The following AXL variants were observed in gnomAD, a reference collection of about 807,000 sequenced individuals.
The protein encoded by AXL is AXL receptor tyrosine kinase.
AXL carries 52 observed loss-of-function variants against 104.5 expected under a neutral mutation model. The observed-to-expected ratio is 0.50, with a 90% CI of 0.40 to 0.63. AXL has a LOEUF of 0.63. Among genes scored for constraint, AXL ranks in the 20% least tolerant of loss-of-function variants. AXL has a pLI of 0.00. For synonymous variants in AXL, 455 were observed against 473.7 expected (o/e 0.96, Z 0.51); for missense variants, 1,024 against 1,188.5 (o/e 0.86, Z 2.04).
intron 17 of AXL, among the ~76,000 whole-genome samples, 198 bp downstream of exon 17, chr19:41,253,906 AT>A (rs1452008650): frequency 1.3e-5 from 2 of 151,954 alleles, no homozygotes; most frequent in African/African-American, 2.4e-5. Context: ...TGGAAGGAGC[AT>A]TTGGATGCGG....
rs1221726464 is a variant in AXL, at chr19:41,222,007, C to T, written c.537C>T (p.Pro179=). The change falls in exon 4 of 20, where the codon CCC becomes CCT. Residue 179 remains proline, a synonymous_variant. Coordinates refer to ENST00000301178, the MANE Select transcript of AXL (RefSeq NM_021913.5). ...TACTCTGGCTCCAGGATGCTGTCCCCCTGGCCACGGCTCCAGGTCACGGCC... is the reference window on the plus strand; with the variant it reads ...TACTCTGGCTCCAGGATGCTGTCCCTCTGGCCACGGCTCCAGGTCACGGCC... ...VDLLWLQDAV[P]LATAPGHGPQ... The T allele has an allele frequency of 1.2e-6, 2 of 1,605,900 alleles. No individual in the cohort carries two copies. Among genetic ancestry groups the T allele is most frequent in the Admixed American group, 3.4e-5 (2 of 58,758 alleles).
At chr19:41,227,451 T>C (rs982817330) in intron 4 of AXL, among the ~76,000 whole-genome samples, 2 of 151,544 alleles carry the variant, frequency 1.3e-5, no homozygotes, top group African/African-American at 4.8e-5. Context: ...CTTTGGCCTA[T>C]CCGAATTGCA....
rs2034515650 is a variant in AXL, at chr19:41,260,190, T to C, written c.*286T>C. The C allele has an allele frequency of 2.7e-6, 1 of 371,000 alleles. No individual in the cohort carries two copies. Among genetic ancestry groups the C allele is most frequent in the East Asian group, 4.1e-5 (1 of 24,458 alleles). The allele number at this position is 371,000 out of a possible 1,614,324, so 23.0% of individuals were successfully genotyped here. A position where few individuals can be genotyped will look rare whatever the true frequency, so the allele number is the denominator to read the frequency against. On this transcript the variant is annotated 3_prime_UTR_variant, in exon 20 of 20. Transcript: ENST00000301178. ...ACTCTAGAGTCCAAGGTTTAAAGAG[T>C]CTAGATTCAAAGGTTCTAGGTTTCA...
rs2122191074 is a variant in AXL, at chr19:41,219,324, CG to C, written c.-65del. The C allele has an allele frequency of 1.4e-6, 2 of 1,460,278 alleles. No individual in the cohort carries two copies. Among genetic ancestry groups the C allele is most frequent in the Non-Finnish European group, 1.9e-6 (2 of 1,078,958 alleles). The allele number at this position is 1,460,278 out of a possible 1,614,324, so 90.5% of individuals were successfully genotyped here. A position where few individuals can be genotyped will look rare whatever the true frequency, so the allele number is the denominator to read the frequency against. On this transcript the variant is annotated 5_prime_UTR_variant, in exon 1 of 20. Transcript: ENST00000301178. ...GGGAGCCTGGAGCTGGGGGGAGGGC[CG>C]GGGACAGCCCGGCCCTGCCCCCTCC...
At chr19:41,230,730 ATGTGTGTC>A (rs2033971510) in intron 4 of AXL, among the ~76,000 whole-genome samples, 1 of 151,702 alleles carries the variant, frequency 6.6e-6, no homozygotes, top group African/African-American at 2.4e-5. Flanking sequence ...TGTCTGTACT[ATGTGTGTC>A]TGTGTGGCGG....
intron 6 of AXL, 113 bp from the exon 7 acceptor site, chr19:41,237,831 C>G: frequency 1.0e-6 from 1 of 973,070 alleles, no homozygotes; most frequent in East Asian, 2.5e-5. Flanking sequence ...CTGCAACACA[C>G]ACGCACCCTT....
At chr19:41,224,871 G>A (rs964561846) in intron 4 of AXL, among the ~76,000 whole-genome samples, 2 of 152,138 alleles carry the variant, frequency 1.3e-5, no homozygotes, top group African/African-American at 4.8e-5. Context: ...CTGCCTCTGA[G>A]TACATGACCT....
intron 17 of AXL, among the ~76,000 whole-genome samples, chr19:41,254,220 C>G (rs1026042559): frequency 4.0e-5 from 6 of 150,164 alleles, no homozygotes; most frequent in African/African-American, 4.9e-5. Context: ...CTTGGTGAAA[C>G]CCCCTGTCTA....
intron 4 of AXL, among the ~76,000 whole-genome samples, chr19:41,224,848 G>A (rs1281248882): frequency 6.6e-6 from 1 of 152,088 alleles, no homozygotes; most frequent in East Asian, 1.9e-4. Flanking sequence ...CCCTGTGTGT[G>A]CACTGGCCCC....
chr19:41,248,086 C>T (rs2034300135), intron 12 of AXL, among the ~76,000 whole-genome samples: 1 of 151,176 alleles, frequency 6.6e-6, no homozygotes, highest in African/African-American at 2.4e-5. Context: ...CCACACACGG[C>T]TAATTTTTGT....
intron 6 of AXL, among the ~76,000 whole-genome samples, chr19:41,234,880 G>A (rs895358963): frequency 2.6e-5 from 4 of 152,206 alleles, no homozygotes; most frequent in Non-Finnish European, 2.9e-5. Context: ...TTCCTGAGGC[G>A]TGGCTGTGAA....
At chr19:41,241,415 G>A (rs1043216355) in intron 10 of AXL, among the ~76,000 whole-genome samples, 2 of 151,038 alleles carry the variant, frequency 1.3e-5, no homozygotes, top group East Asian at 2.0e-4. Context: ...CTGGTGGTGC[G>A]AGCCTGTAAT....
chr19:41,231,514 G>T lies in AXL; in HGVS notation c.783+216G>T, dbSNP rs150369494. On this transcript the variant is annotated intron_variant, in intron 6 of 19. Transcript: ENST00000301178. ...GGTGGCTTAATCTGTCCGGGGCTCA[G>T]CTCTCTTGTCTACAAAATGGACATA... Among the ~76,000 whole-genome samples the T allele has an allele frequency of 2.7e-3, 416 of 152,282 alleles. 3 individuals are homozygous for T. Among genetic ancestry groups the T allele is most frequent in the Non-Finnish European group, 4.7e-3 (317 of 68,028 alleles).
Position 41,220,872 on chromosome 19 carries a change from T to A in AXL, c.308+14T>A. The A allele has an allele frequency of 1.9e-6, 3 of 1,610,482 alleles. No individual in the cohort carries two copies. The highest frequency in any genetic ancestry group is 2.5e-6 in the Non-Finnish European group (3 of 1,177,518). Reference sequence around the variant, plus strand: ...CAGCCAGCTCAGGTGTGTGGCCACATCCCCGAATCCCACTCCCACCTCCGT... The same window carrying A: ...CAGCCAGCTCAGGTGTGTGGCCACAACCCCGAATCCCACTCCCACCTCCGT... On this transcript the variant is annotated intron_variant, in intron 2 of 19. Coordinates refer to ENST00000301178, the MANE Select transcript of AXL (RefSeq NM_021913.5).
At chr19:41,255,364 CTCTT>C (rs2034436466) in intron 17 of AXL, among the ~76,000 whole-genome samples, 1 of 131,072 alleles carries the variant, frequency 7.6e-6, no homozygotes, top group East Asian at 2.3e-4. Flanking sequence ...TCTTTTCTTT[CTCTT>C]TCTCTCTCTT....
At chr19:41,236,808 G>T (rs1419097992) in intron 6 of AXL, among the ~76,000 whole-genome samples, 5 of 149,746 alleles carry the variant, frequency 3.3e-5, no homozygotes, top group Non-Finnish European at 7.4e-5. Flanking sequence ...AAAAGAAAAA[G>T]AAATGAGATG....
intron 11 of AXL, among the ~76,000 whole-genome samples, 196 bp from the exon 12 acceptor site, chr19:41,243,420 C>CA (rs1376589371): frequency 8.0e-5 from 12 of 150,730 alleles, no homozygotes; most frequent in Admixed American, 6.6e-4. Context: ...ATCCTGTTTT[C>CA]AAAAAAAAGA....
rs138094666 is a variant in AXL at position 41,222,015 on chromosome 19, C to T, written c.545C>T (p.Thr182Met). 24 of 1,602,708 alleles carry T rather than the reference C, an allele frequency of 1.5e-5. No homozygotes were observed. Among genetic ancestry groups the T allele is most frequent in the African/African-American group, 9.4e-5 (7 of 74,538 alleles). ...CTCCAGGATGCTGTCCCCCTGGCCA[C>T]GGCTCCAGGTCACGGCCCCCAGCGC... ...LWLQDAVPLA[T>M]APGHGPQRSL... is the part of the protein sequence containing the mutation. Residue 182 changes from threonine to methionine, a missense_variant, in exon 4 of 20, where the codon ACG (threonine) becomes ATG (methionine). Thr to Met is a moderately conservative substitution (Grantham distance 81, BLOSUM62 -1). Around this residue, in one of 5 missense-constraint regions of AXL, gnomAD observed 332 missense variants for 343.9 expected, o/e 0.97. Transcript: ENST00000301178.
intron 15 of AXL, 56 bp from the exon 16 acceptor site, chr19:41,252,790 G>C (rs1435321105): frequency 1.1e-5 from 18 of 1,607,492 alleles, no homozygotes; most frequent in Non-Finnish European, 1.5e-5. Flanking sequence ...GGCTGGTGGG[G>C]GGCTTGGCTT....
Sources: gnomAD v4.1 joint callset for allele counts (sites outside exome capture counted in the v4.1 genomes callset) on GRCh38, gnomAD v4.1.1 for gene constraint, gnomAD v4.1.1 regional missense constraint, MANE v1.5 for transcripts, NCBI Gene and HGNC (gene_info 2026-07-23, HGNC 2026-07-21) for gene names.